TTLL12: variants seen among roughly 807,000 people sequenced by gnomAD.
The protein encoded by TTLL12 is tubulin tyrosine ligase like 12.
TTLL12 carries 77 observed loss-of-function variants against 79.6 expected under a neutral mutation model. That is an observed-to-expected ratio of 0.97 (90% CI 0.81 to 1.17). The LOEUF is 1.17. Among genes scored for constraint, TTLL12 ranks in the 50% most tolerant of loss-of-function variants. TTLL12 has a pLI of 0.00. For missense variants in TTLL12, 969 were observed against 895.9 expected (o/e 1.08, Z -1.04); for synonymous variants, 437 against 376.1 (o/e 1.16, Z -1.87).
At chr22:43,173,642 G>C in intron 9 of TTLL12, 73 bp downstream of exon 9, 2 of 1,430,618 alleles carry the variant, frequency 1.4e-6, no homozygotes, top group East Asian at 2.3e-5. Flanking sequence ...CATGATGCTC[G>C]GTCCCCTTAG....
chr22:43,178,189 C>T (rs1029444269), intron 5 of TTLL12, among the ~76,000 whole-genome samples: 3 of 152,184 alleles, frequency 2.0e-5, no homozygotes, highest in African/African-American at 7.2e-5. Flanking sequence ...GACTGAGCCC[C>T]TTGTTTTTGG....
At chr22:43,181,081 T>A in intron 2 of TTLL12, 141 bp from the exon 3 acceptor site, 2 of 976,820 alleles carry the variant, frequency 2.0e-6, no homozygotes, top group Non-Finnish European at 3.0e-6. Context: ...TAGTTATGCC[T>A]AGTTTTGGAC....
At chr22:43,181,499 T>C (rs1932055431) in intron 2 of TTLL12, among the ~76,000 whole-genome samples, 1 of 152,192 alleles carries the variant, frequency 6.6e-6, no homozygotes, top group African/African-American at 2.4e-5. Context: ...ACCAAGGCCT[T>C]TGTGTGGGAG....
intron 3 of TTLL12, 68 bp from the exon 4 acceptor site, chr22:43,180,068 CA>C (rs111515672): frequency 0.057 from 86,066 of 1,500,950 alleles, 3,743 homozygotes; most frequent in East Asian, 0.25. Flanking sequence ...TTCCGGAACC[CA>C]GACATCGACC....
At chr22:43,174,726 GA>G (rs1931859162) in intron 6 of TTLL12, 111 bp from the exon 7 acceptor site, 1 of 784,036 alleles carries the variant, frequency 1.3e-6, no homozygotes, top group East Asian at 2.6e-5. Flanking sequence ...TAATGAGGCA[GA>G]GGCAAGTCCT....
At chr22:43,168,449 A>G (rs1931674557) in intron 13 of TTLL12, among the ~76,000 whole-genome samples, 1 of 149,592 alleles carries the variant, frequency 6.7e-6, no homozygotes, top group African/African-American at 2.5e-5. Flanking sequence ...AAAAGTAGAT[A>G]TGCAGCAGCA....
chr22:43,171,923 C>A lies in TTLL12; in HGVS notation c.1494-23G>T, dbSNP rs555427078. On this transcript the variant is annotated intron_variant, in intron 10 of 13. Coordinates refer to ENST00000216129, the MANE Select transcript of TTLL12 (RefSeq NM_015140.4). The stretch of plus-strand genomic sequence containing the variant: ...GCCCTGGAAGACAAGTGTGCAGACA[C>A]ATATGGGTTCTTGAGCGGCCTTGTC... The A allele has an allele frequency of 4.3e-6, 7 of 1,610,072 alleles. No individual in the cohort carries two copies. The South Asian group carries it at 4.4e-5, about 10-fold the overall frequency.
rs73163916 is a variant in TTLL12 at position 43,182,039 on chromosome 22, G to A, written c.347+941C>T. 7.6e-3 allele frequency among the ~76,000 whole-genome samples: 1,149 copies of A among 151,152 alleles called. 2 individuals are homozygous for A. The highest frequency in any genetic ancestry group is 0.011 in the Non-Finnish European group (717 of 67,366). On this transcript the variant is annotated intron_variant, in intron 2 of 13. Transcript: ENST00000216129. ...GAAAGGCCCGGAAGCAGAAAGGCCC[G>A]GAAGCAGGTGGGGCTGAAACAAACA...
At chr22:43,183,414 G>A (rs1932108240) in intron 1 of TTLL12, among the ~76,000 whole-genome samples, 2 of 152,374 alleles carry the variant, frequency 1.3e-5, no homozygotes, top group East Asian at 3.9e-4. Flanking sequence ...CCCACAGGAT[G>A]CTGTGCATGG....
chr22:43,179,060 T>C (rs1931985185), intron 5 of TTLL12, among the ~76,000 whole-genome samples: 1 of 152,068 alleles, frequency 6.6e-6, no homozygotes, highest in Non-Finnish European at 1.5e-5. Flanking sequence ...CCCCCGGCAC[T>C]GGGGCCTCGA....
chr22:43,186,073 G>C (rs1932175554), intron 1 of TTLL12: 1 of 951,882 alleles, frequency 1.1e-6, no homozygotes, highest in Admixed American at 6.2e-5. Flanking sequence ...CCTAGTTCCC[G>C]GCCCGGGTCC....
Position 43,187,105 on chromosome 22 carries a change from C to G in TTLL12, c.-36G>C, listed in dbSNP as rs1386776341. On this transcript the variant is annotated 5_prime_UTR_variant, in exon 1 of 14. Transcript: ENST00000216129. ...CCCGCGCCGACTCCAGCGCCGCCAC[C>G]GCCGCCGCCGCCCGCCGTCCGTCGG... is the stretch of plus-strand genomic sequence containing the variant. 4 of 1,075,338 alleles carry G rather than the reference C, an allele frequency of 3.7e-6. No homozygotes were observed. The African/African-American group carries it at 6.9e-5, about 19-fold the overall frequency. The allele number at this position is 1,075,338 out of a possible 1,614,324, so 66.6% of individuals were successfully genotyped here.
intron 9 of TTLL12, among the ~76,000 whole-genome samples, chr22:43,173,450 A>T (rs1931816810): frequency 6.6e-6 from 1 of 152,156 alleles, no homozygotes; most frequent in Admixed American, 6.5e-5. Context: ...AGCTGGGACT[A>T]CAGGTGTGTG....
intron 13 of TTLL12, 62 bp downstream of exon 13, chr22:43,168,710 CTG>C (rs1437309091): frequency 7.1e-6 from 11 of 1,538,944 alleles, no homozygotes; most frequent in Non-Finnish European, 9.6e-6. Flanking sequence ...CTTCTCCAGG[CTG>C]TGGCTGGCTG....
chr22:43,180,042 A>T, intron 3 of TTLL12, 42 bp from the exon 4 acceptor site: 1 of 1,522,778 alleles, frequency 6.6e-7, no homozygotes, highest in Non-Finnish European at 8.8e-7. Context: ...TCACCCATCC[A>T]CCCACCGGAA....
At chr22:43,185,300 T>C (rs1932156742) in intron 1 of TTLL12, among the ~76,000 whole-genome samples, 2 of 104,716 alleles carry the variant, frequency 1.9e-5, no homozygotes, top group Non-Finnish European at 4.0e-5. Flanking sequence ...TATATATATA[T>C]GTATGTATCT....
chr22:43,172,050 G>A, intron 10 of TTLL12, 150 bp from the exon 11 acceptor site: 1 of 706,588 alleles, frequency 1.4e-6, no homozygotes, highest in Non-Finnish European at 2.5e-6. Context: ...CCTTGTCTGT[G>A]TGGCTGGGGG....
chr22:43,169,494 AATT>A lies in TTLL12; in HGVS notation c.1644+3_1644+5del, dbSNP rs758032498. The A allele has an allele frequency of 2.5e-6, 4 of 1,590,690 alleles. No individual in the cohort carries two copies. Among genetic ancestry groups the A allele is most frequent in the Non-Finnish European group, 8.6e-7 (1 of 1,167,392 alleles). On this transcript the variant is annotated splice_donor_5th_base_variant and intron_variant, in intron 12 of 13. Transcript: ENST00000216129. Reference sequence around the variant, plus strand: ...GGCCTGCGATGGTGTGCAGGACAGGAATTACCTGGACGTCCGTCCAGGGAAATT... The same window carrying A: ...GGCCTGCGATGGTGTGCAGGACAGGAACCTGGACGTCCGTCCAGGGAAATT...
chr22:43,174,451 C>T (rs780781588), intron 7 of TTLL12, 48 bp from the exon 8 acceptor site: 32 of 1,573,130 alleles, frequency 2.0e-5, no homozygotes, highest in Non-Finnish European at 2.8e-5. Context: ...GCCGGCAGTG[C>T]CTAGAAGCCC....
Sources: gnomAD v4.1 joint callset for allele counts (sites outside exome capture counted in the v4.1 genomes callset) on GRCh38, gnomAD v4.1.1 for gene constraint, MANE v1.5 for transcripts, NCBI Gene and HGNC (gene_info 2026-07-23, HGNC 2026-07-21) for gene names.